MYO7A: variants seen among roughly 807,000 people sequenced by gnomAD.
MYO7A encodes the protein myosin VIIA.
MYO7A carries 210 observed loss-of-function variants against 263.8 expected under a neutral mutation model. The observed-to-expected ratio is 0.80, with a 90% confidence interval of 0.71 to 0.89. The LOEUF (loss-of-function observed/expected upper bound fraction) is 0.89, where lower values mean the gene tolerates loss of function less well. Ranked by LOEUF, MYO7A falls within the 40% of genes least tolerant of loss-of-function variation. The probability of loss-of-function intolerance (pLI) is 0.00; values close to 1 mark genes in which losing one functional copy is unlikely to be tolerated. For missense variants in MYO7A, 2,820 were observed against 2,968.3 expected (o/e 0.95, Z 1.16); for synonymous variants, 1,239 against 1,197.3 (o/e 1.03, Z -0.72).
rs397516318 is a variant in MYO7A, at chr11:77,205,468, C to T, written c.5487C>T (p.Ser1829=). 1.2e-5 allele frequency: 19 copies of T among 1,568,190 alleles called. No homozygotes were observed. Among genetic ancestry groups the T allele is most frequent in the Middle Eastern group, 3.3e-4 (2 of 6,030 alleles). The part of the protein sequence containing the change: ...KQLTDNHIRY[S]EERGWELLWL... ...CCCACGCCTCCTCCTGCAGGTACAG[C>T]GAGGAGCGGGGTTGGGAGCTGCTCT... The change falls in exon 40 of 49, where the codon AGC becomes AGT. Residue 1829 remains serine, a synonymous_variant. Coordinates refer to ENST00000409709, the MANE Select transcript of MYO7A (RefSeq NM_000260.4).
chr11:77,198,532 C>CA lies in MYO7A; in HGVS notation c.4481dup (p.Asn1494LysfsTer10). The CA allele has an allele frequency of 6.2e-7, 1 of 1,613,918 alleles. No homozygotes were observed. On this transcript the variant is annotated frameshift_variant, in exon 34 of 49. Coordinates refer to ENST00000409709, the MANE Select transcript of MYO7A (RefSeq NM_000260.4). LOFTEE classifies it high-confidence loss of function. ...CCAAGAACGACGTCATCGTGGCCGT[C>CA]AACTGGACGGGTGTGTACTTTGTGG...
intron 26 of MYO7A, among the ~76,000 whole-genome samples, chr11:77,183,808 G>T (rs1013146040): frequency 1.3e-5 from 2 of 152,180 alleles, no homozygotes; most frequent in African/African-American, 4.8e-5. Context: ...CCACTGCAGA[G>T]TCAGGGGCTC....
In MYO7A at chr11:77,184,610, G is replaced by A. The variant is rs1555087137; in HGVS notation, c.3398G>A (p.Gly1133Glu). 2 of 1,570,228 alleles carry A rather than the reference G, an allele frequency of 1.3e-6. No individual in the cohort carries two copies. Among genetic ancestry groups the A allele is most frequent in the Non-Finnish European group, 8.6e-7 (1 of 1,157,188 alleles). Residue 1133 changes from glycine to glutamate, a missense_variant, in exon 27 of 49, where the codon GGG becomes GAG. Transcript: ENST00000409709. ...TEEVTKRLHD[G>E]ESTVQGNSML... is the part of the protein sequence containing the mutation. ...CAGGTGACCAAGAGGCTGCATGACG[G>A]GGAGTCCACAGTGCAGGGCAACAGC...
At chr11:77,153,936 G>A (rs1011901338) in intron 4 of MYO7A, among the ~76,000 whole-genome samples, 10 of 152,186 alleles carry the variant, frequency 6.6e-5, no homozygotes, top group Non-Finnish European at 1.3e-4. Flanking sequence ...TGGGCCAGAC[G>A]GCTGAGCATC....
Position 77,162,044 on chromosome 11 carries a change from G to A in MYO7A, c.1344-76G>A, listed in dbSNP as rs550534410. ...TAGCTTGCTAATGGCCATGCTGCAG[G>A]TGGAGGCAGAGCCAGGCCCTGAACA... On this transcript the variant is annotated intron_variant, in intron 12 of 48. Coordinates refer to ENST00000409709, the MANE Select transcript of MYO7A (RefSeq NM_000260.4). The A allele has an allele frequency of 7.4e-6, 10 of 1,345,792 alleles. No homozygotes were observed. In the African/African-American group the frequency reaches 1.2e-4, roughly 16 times the overall value. 83.4% of individuals were successfully genotyped at this position (1,345,792 alleles called of 1,614,324 possible).
chr11:77,152,631 G>A (rs1359909453), intron 4 of MYO7A, among the ~76,000 whole-genome samples: 3 of 151,924 alleles, frequency 2.0e-5, no homozygotes, highest in Non-Finnish European at 4.4e-5. Flanking sequence ...GTACTTCCCC[G>A]CCCATTGATC....
At position 77,182,553 on chromosome 11, in the gene MYO7A, A is replaced by G; in HGVS notation, c.3238A>G (p.Lys1080Glu). The change falls in exon 25 of 49, where the codon AAG becomes GAG. Residue 1080 changes from lysine to glutamate, a missense_variant. Coordinates refer to ENST00000409709, the MANE Select transcript of MYO7A (RefSeq NM_000260.4). ...GACCAAGATTTATGAGACCCTGGGCAAGAAGACGTACAAGAGGGAGCTGCA... is the reference window on the plus strand; with the variant it reads ...GACCAAGATTTATGAGACCCTGGGCGAGAAGACGTACAAGAGGGAGCTGCA... ...VMTKIYETLG[K>E]KTYKRELQAL... The G allele has an allele frequency of 6.2e-7, 1 of 1,613,342 alleles. No homozygotes were observed. The highest frequency in any genetic ancestry group is 1.1e-5 in the South Asian group (1 of 91,078).
At chr11:77,134,399 G>T (rs1490176523) in intron 2 of MYO7A, among the ~76,000 whole-genome samples, 1 of 152,008 alleles carries the variant, frequency 6.6e-6, no homozygotes, top group African/African-American at 2.4e-5. Context: ...TTATCATTAT[G>T]TTATACATTT....
intron 47 of MYO7A, among the ~76,000 whole-genome samples, chr11:77,213,449 T>C (rs1348306228): frequency 6.6e-6 from 1 of 152,210 alleles, no homozygotes; most frequent in East Asian, 1.9e-4. Context: ...ATTGGCTTCA[T>C]GCATCACGCA....
chr11:77,201,066 C>A (rs1957030703), intron 35 of MYO7A, among the ~76,000 whole-genome samples: 1 of 152,242 alleles, frequency 6.6e-6, no homozygotes, highest in Non-Finnish European at 1.5e-5. Context: ...GTGACCAGAG[C>A]ACAGGGGGCA....
chr11:77,211,821 T>G lies in MYO7A; in HGVS notation c.6238T>G (p.Ser2080Ala). 1.2e-6 allele frequency: 2 copies of G among 1,613,398 alleles called. No homozygotes were observed. The highest frequency in any genetic ancestry group is 1.7e-6 in the Non-Finnish European group (2 of 1,179,426). Residue 2080 changes from serine to alanine, a missense_variant and splice_region_variant, in exon 46 of 49, where the codon TCC becomes GCC. Ser to Ala is a moderately conservative substitution (Grantham distance 99). Coordinates refer to ENST00000409709, the MANE Select transcript of MYO7A (RefSeq NM_000260.4). ...RQVSPDDWKR[S>A]IVAYFNKHAG... The stretch of plus-strand genomic sequence containing the variant: ...AGCCCTGACCGCCCTGTCCCCATAG[T>G]CCATCGTCGCCTACTTCAACAAGCA...
intron 14 of MYO7A, among the ~76,000 whole-genome samples, chr11:77,164,105 C>G (rs187988682): frequency 6.6e-6 from 1 of 152,182 alleles, no homozygotes; most frequent in Non-Finnish European, 1.5e-5. Flanking sequence ...CTTTGAAGAC[C>G]GTGCATCTTC....
chr11:77,208,888 G>A, intron 44 of MYO7A, 85 bp downstream of exon 44: 3 of 1,148,830 alleles, frequency 2.6e-6, no homozygotes, highest in Non-Finnish European at 3.8e-6. Flanking sequence ...CACTGACCTT[G>A]CCAGGTGTGG....
chr11:77,183,689 C>T (rs1037765345), intron 26 of MYO7A, among the ~76,000 whole-genome samples: 2 of 152,160 alleles, frequency 1.3e-5, no homozygotes, highest in Admixed American at 1.3e-4. Flanking sequence ...CATTCACAGC[C>T]TTGGGGGCCA....
intron 2 of MYO7A, among the ~76,000 whole-genome samples, chr11:77,136,725 G>A (rs1950918257): frequency 6.6e-6 from 1 of 152,210 alleles, no homozygotes; most frequent in African/African-American, 2.4e-5. Flanking sequence ...TTTGTCACCT[G>A]ACGGATGAGG....
intron 3 of MYO7A, among the ~76,000 whole-genome samples, chr11:77,144,993 C>T (rs529333028): frequency 6.6e-6 from 1 of 152,196 alleles, no homozygotes; most frequent in Admixed American, 6.5e-5. Context: ...TCAGCTACTG[C>T]CCTGGTTACA....
chr11:77,148,886 G>A (rs185754909), intron 4 of MYO7A, among the ~76,000 whole-genome samples: 4 of 152,274 alleles, frequency 2.6e-5, no homozygotes, highest in African/African-American at 9.6e-5. Context: ...GCTTAATAAA[G>A]CCAACTGGAT....
chr11:77,177,599 C>T lies in MYO7A; in HGVS notation c.2238C>T (p.Asp746=). 1 of 1,612,240 alleles carries T rather than the reference C, an allele frequency of 6.2e-7. No homozygotes were observed. Among genetic ancestry groups the T allele is most frequent in the African/African-American group, 1.3e-5 (1 of 75,006 alleles). ...LEVERDKAIT[D]RVILLQKVIR... ...TGGAGCGGGACAAAGCCATCACCGA[C>T]AGAGTCATCCTCCTTCAGAAAGTCA... Residue 746 remains aspartate (D), a synonymous_variant, in exon 19 of 49, where the codon GAC becomes GAT. Transcript: ENST00000409709.
At position 77,199,734 on chromosome 11, in the gene MYO7A, A is replaced by G. The variant is rs761363022; in HGVS notation, c.4768A>G (p.Ile1590Val). 16 of 1,613,534 alleles carry G rather than the reference A, an allele frequency of 9.9e-6. No homozygotes were observed. In the South Asian group the frequency reaches 1.3e-4, roughly 13 times the overall value. ...YTFTSSNAEDIRDLVVTFLEG... is the reference protein window; with the variant it reads ...YTFTSSNAEDVRDLVVTFLEG... The stretch of plus-strand genomic sequence containing the variant: ...CTTCACCTCCAGCAATGCTGAGGAC[A>G]TTCGTGACCTGGTGGTCACCTTCCT... Residue 1590 changes from isoleucine (I) to valine (V), a missense_variant, in exon 35 of 49, where the codon ATT becomes GTT. Transcript: ENST00000409709.
Sources: allele counts gnomAD v4.1 joint callset (sites outside exome capture counted in the v4.1 genomes callset), GRCh38; gene constraint gnomAD v4.1.1; transcripts MANE v1.5; gene names NCBI Gene and HGNC (gene_info 2026-07-23, HGNC 2026-07-21).